The following CASK variants were observed in gnomAD, a reference collection of about 807,000 sequenced individuals.
The protein encoded by CASK is peripheral plasma membrane protein CASK.
Under a neutral mutation model 82.9 loss-of-function variants are expected in CASK, and 4 were observed. That is an observed-to-expected ratio of 0.05 (90% CI 0.02 to 0.11). CASK has a LOEUF of 0.11. CASK is among the 10% of genes least tolerant of loss of function. The pLI, the probability that CASK is intolerant of heterozygous loss-of-function variation, is 1.00. For synonymous variants in CASK, 259 were observed against 253.5 expected (o/e 1.02, Z -0.20); for missense variants, 358 against 720.9 (o/e 0.50, Z 5.76).
At chrX:41,757,654 C>T (rs1029695839) in intron 3 of CASK, among the ~76,000 whole-genome samples, 1 of 112,201 alleles carries the variant, frequency 8.9e-6, no homozygotes, top group African/African-American at 3.2e-5. Flanking sequence ...CTCAGCCTCA[C>T]AAGTAGTGCT....
chrX:41,659,258 C>T (rs2066991509), intron 8 of CASK, among the ~76,000 whole-genome samples: 1 of 108,469 alleles, frequency 9.2e-6, no homozygotes, highest in South Asian at 4.2e-4. Flanking sequence ...GACGGAGACT[C>T]GCTCTGTCAC....
chrX:41,814,673 T>A (rs2070377842), intron 2 of CASK, among the ~76,000 whole-genome samples: 1 of 109,335 alleles, frequency 9.1e-6, no homozygotes, highest in Admixed American at 9.8e-5. Context: ...CACACCAACA[T>A]GGCACATGTA....
intron 2 of CASK, among the ~76,000 whole-genome samples, chrX:41,811,303 T>G (rs2070280177): frequency 8.9e-6 from 1 of 112,180 alleles, no homozygotes; most frequent in South Asian, 3.7e-4. Context: ...CACATTGCAT[T>G]TATTCCAAAA....
At chrX:41,820,459 T>C (rs961540253) in intron 2 of CASK, among the ~76,000 whole-genome samples, 3 of 111,190 alleles carry the variant, frequency 2.7e-5, no homozygotes, top group African/African-American at 9.8e-5. Flanking sequence ...TAATGAAATA[T>C]GAATAAAATA....
rs1027597978 is a variant in CASK at position 41,831,284 on chromosome X, A to G, written c.172+21831T>C. Among the ~76,000 whole-genome samples the G allele has an allele frequency of 4.5e-5, 5 of 111,981 alleles. No individual in the cohort carries two copies. The Admixed American group carries it at 4.7e-4, about 11-fold the overall frequency. Reference sequence around the variant, plus strand: ...GGGAAAAATACAGCTTTTGCAGTCCAAAAGACAGACCAACTTGGATTCACC... The same window carrying G: ...GGGAAAAATACAGCTTTTGCAGTCCGAAAGACAGACCAACTTGGATTCACC... On this transcript the variant is annotated intron_variant, in intron 2 of 26. Transcript: ENST00000378163.
intron 5 of CASK, chrX:41,683,501 T>A (rs1477902270): frequency 8.9e-6 from 1 of 112,290 alleles, no homozygotes; most frequent in Non-Finnish European, 1.9e-5. Flanking sequence ...CCTCTTTCTA[T>A]AATTATCAAA....
intron 6 of CASK, among the ~76,000 whole-genome samples, chrX:41,666,215 GTTTTC>G (rs2067114889): frequency 8.9e-6 from 1 of 111,836 alleles, no homozygotes; most frequent in Admixed American, 9.5e-5. Context: ...TCTTTAAAGA[GTTTTC>G]TTTTGTTTCT....
At chrX:41,680,342 C>T (rs1412288699) in intron 5 of CASK, among the ~76,000 whole-genome samples, 3 of 110,070 alleles carry the variant, frequency 2.7e-5, no homozygotes, top group Non-Finnish European at 1.9e-5. Flanking sequence ...ATTTGCTGGG[C>T]GTGGTGGCAT....
chrX:41,698,536 G>C (rs2067734592), intron 5 of CASK, among the ~76,000 whole-genome samples: 1 of 111,570 alleles, frequency 9.0e-6, no homozygotes, highest in African/African-American at 3.3e-5. Flanking sequence ...AGGGAAGGAA[G>C]GGGTGCTTAC....
intron 14 of CASK, chrX:41,584,978 C>T (rs1318852422): frequency 8.9e-6 from 1 of 112,432 alleles, no homozygotes; most frequent in Non-Finnish European, 1.9e-5. Flanking sequence ...ATGAGATAAG[C>T]TCAATGAGAA....
chrX:41,764,613 C>T (rs2069073759), intron 3 of CASK, among the ~76,000 whole-genome samples: 1 of 111,535 alleles, frequency 9.0e-6, no homozygotes, highest in South Asian at 3.8e-4. Context: ...TCAGCTTTGA[C>T]TCCTCTTCCT....
At chrX:41,563,083 G>A (rs1228242610) in intron 16 of CASK, among the ~76,000 whole-genome samples, 2 of 101,854 alleles carry the variant, frequency 2.0e-5, no homozygotes, top group African/African-American at 7.1e-5. Context: ...AAAGAAGGCT[G>A]GGCATGGTGG....
Position 41,621,855 on chromosome X carries a change from T to A in CASK, c.1033+762A>T, listed in dbSNP as rs747183746. Among the ~76,000 whole-genome samples the A allele has an allele frequency of 2.2e-3, 247 of 111,992 alleles. 2 individuals carry two copies. Among genetic ancestry groups the A allele is most frequent in the African/African-American group, 7.8e-3 (241 of 30,875 alleles). On this transcript the variant is annotated intron_variant, in intron 11 of 26. Transcript: ENST00000378163. ...TTTTTAATTAGAATTTTTATTGAGA[T>A]AATTGTAGATTCACATGCACTTGTA...
intron 5 of CASK, among the ~76,000 whole-genome samples, chrX:41,706,701 G>C (rs2067892279): frequency 4.5e-5 from 5 of 111,395 alleles, no homozygotes; most frequent in Admixed American, 1.9e-4. Context: ...ACCTAGGCTG[G>C]AGTGCAGTGG....
At chrX:41,807,197 C>T (rs967781027) in intron 2 of CASK, among the ~76,000 whole-genome samples, 1 of 110,629 alleles carries the variant, frequency 9.0e-6, no homozygotes, top group South Asian at 3.9e-4. Context: ...TAATTCTGCT[C>T]CCATGGTACC....
At chrX:41,586,765 T>G in intron 14 of CASK, 142 bp downstream of exon 14, 1 of 465,932 alleles carries the variant, frequency 2.1e-6, no homozygotes, top group Non-Finnish European at 3.7e-6. Flanking sequence ...TATTTGGTAT[T>G]ACCTGGTATT....
At chrX:41,596,021 C>A (rs772422117) in intron 12 of CASK, among the ~76,000 whole-genome samples, 15 of 109,541 alleles carry the variant, frequency 1.4e-4, no homozygotes, top group Non-Finnish European at 2.7e-4. Context: ...ATGATGAAAC[C>A]CCATCTCTAC....
At chrX:41,805,874 CT>C (rs1171077968) in intron 2 of CASK, among the ~76,000 whole-genome samples, 4 of 111,161 alleles carry the variant, frequency 3.6e-5, no homozygotes, top group Non-Finnish European at 7.5e-5. Flanking sequence ...CGGAGTGCCC[CT>C]AAGAGCCAAC....
At chrX:41,777,885 A>G (rs73472530) in intron 3 of CASK, among the ~76,000 whole-genome samples, 11,848 of 111,617 alleles carry the variant, frequency 0.11, 903 homozygotes, top group African/African-American at 0.27. Flanking sequence ...TTCTGAGGAA[A>G]CAAAGCAATC....
Sources: allele counts gnomAD v4.1 joint callset (sites outside exome capture counted in the v4.1 genomes callset), GRCh38; gene constraint gnomAD v4.1.1; transcripts MANE v1.5; gene names NCBI Gene and HGNC (gene_info 2026-07-23, HGNC 2026-07-21).